ZNF568: variants seen among roughly 807,000 people sequenced by gnomAD.
ZNF568 encodes zinc finger protein 568, also known as p53 inhibitor of SCO2 activation.
In ZNF568, 11 loss-of-function variants were observed where a neutral mutation model predicts 18.1. The observed-to-expected ratio is 0.61, with a 90% CI of 0.38 to 1.00. The LOEUF (loss-of-function observed/expected upper bound fraction) is 1.00, where lower values mean the gene tolerates loss of function less well. ZNF568 is among the 50% of genes least tolerant of loss of function. The pLI is 0.01. For missense variants in ZNF568, 639 were observed against 768.2 expected (o/e 0.83, Z 1.99); for synonymous variants, 213 against 246.6 (o/e 0.86, Z 1.28).
At chr19:36,953,566 T>G (rs934995405), downstream of ZNF568, among the ~76,000 whole-genome samples, 4 of 152,148 alleles carry the variant, frequency 2.6e-5, no homozygotes, top group African/African-American at 9.7e-5. Flanking sequence ...TATTATGCCA[T>G]CTCTACAATA....
chr19:36,996,220 T>A, intron 4 of ZNF568: 1 of 981,450 alleles, frequency 1.0e-6, no homozygotes, highest in Non-Finnish European at 1.5e-6. Flanking sequence ...AAAGAATTGC[T>A]TATTAACTAT....
chr19:36,952,630 G>A lies in ZNF568; in HGVS notation c.*1542G>A, dbSNP rs2074076158. 1 of 212,060 alleles carries A rather than the reference G, an allele frequency of 4.7e-6. No individual in the cohort carries two copies. The highest frequency in any genetic ancestry group is 8.1e-6 in the Non-Finnish European group (1 of 122,984). The allele number at this position is 212,060 out of a possible 1,614,324, so 13.1% of individuals were successfully genotyped here. ...AGCATTGTCTCTGGAGATTGAATTT[G>A]AGGCTGTTGATTAAAAGGAGACTTT... On this transcript the variant is annotated 3_prime_UTR_variant, in exon 7 of 7. Coordinates refer to ENST00000333987, the MANE Select transcript of ZNF568 (RefSeq NM_198539.4).
At chr19:36,944,661 C>T (rs1393562464) in intron 6 of ZNF568, among the ~76,000 whole-genome samples, 3 of 152,062 alleles carry the variant, frequency 2.0e-5, no homozygotes, top group Non-Finnish European at 4.4e-5. Context: ...ATAACAGTAG[C>T]GCCATCCCTC....
intron 2 of ZNF568, among the ~76,000 whole-genome samples, chr19:36,919,580 T>G (rs2073415469): frequency 6.6e-6 from 1 of 152,144 alleles, no homozygotes; most frequent in African/African-American, 2.4e-5. Context: ...AAGGCTGTAA[T>G]GCCACCACTA....
At chr19:36,934,802 C>T (rs1235898815) in intron 4 of ZNF568, among the ~76,000 whole-genome samples, 1 of 151,950 alleles carries the variant, frequency 6.6e-6, no homozygotes, top group East Asian at 1.9e-4. Flanking sequence ...TTTTGTTGAT[C>T]CATTGGTTAT....
intron 2 of ZNF568, among the ~76,000 whole-genome samples, chr19:36,988,327 C>T (rs1302509280): frequency 6.6e-6 from 1 of 152,050 alleles, no homozygotes; most frequent in Non-Finnish European, 1.5e-5. Flanking sequence ...TAAAGAAATA[C>T]CTGAGACTGG....
chr19:36,933,920 T>TAGTAA (rs2073740032), intron 4 of ZNF568, among the ~76,000 whole-genome samples: 1 of 36,876 alleles, frequency 2.7e-5, no homozygotes, highest in East Asian at 3.3e-4. Flanking sequence ...TGTTTTGTTT[T>TAGTAA]TTTGTTTTTT....
chr19:36,984,263 G>A (rs1318777728), downstream of ZNF568, among the ~76,000 whole-genome samples: 2 of 152,066 alleles, frequency 1.3e-5, no homozygotes, highest in Non-Finnish European at 2.9e-5. Flanking sequence ...TAATATAATT[G>A]AAGGTATCAT....
At chr19:36,928,097 G>A (rs528471281) in intron 4 of ZNF568, among the ~76,000 whole-genome samples, 1 of 150,020 alleles carries the variant, frequency 6.7e-6, no homozygotes, top group Admixed American at 6.7e-5. Flanking sequence ...TGCATTTTTA[G>A]TAGAGATAGG....
At chr19:36,937,336 A>C in intron 6 of ZNF568, 94 bp downstream of exon 6, 1 of 1,012,240 alleles carries the variant, frequency 9.9e-7, no homozygotes. Context: ...AGATTTTCTT[A>C]AAGGCCTTAT....
rs534969200 is a variant in ZNF568, at chr19:36,935,423, G to A, written c.136-1323G>A. On this transcript the variant is annotated intron_variant, in intron 4 of 6. Transcript: ENST00000333987. ...AAAAATACAAAAATTAGCCGGGTGC[G>A]GTGGCAGGCGCCTGTAATCCCAGCT... Among the ~76,000 whole-genome samples the A allele has an allele frequency of 4.6e-5, 7 of 152,052 alleles. No individual in the cohort carries two copies. The East Asian group carries it at 1.2e-3, about 25-fold the overall frequency.
At chr19:36,918,447 CATT>C (rs546446321) in intron 2 of ZNF568, among the ~76,000 whole-genome samples, 163 of 152,010 alleles carry the variant, frequency 1.1e-3, no homozygotes, top group African/African-American at 3.8e-3. Flanking sequence ...CTGTGTAAAT[CATT>C]GTTACACGTT....
downstream of ZNF568, among the ~76,000 whole-genome samples, chr19:36,981,796 C>A (rs1336213090): frequency 6.6e-6 from 1 of 151,970 alleles, no homozygotes; most frequent in Non-Finnish European, 1.5e-5. Context: ...ATCACTCAAG[C>A]CCAGGAGGAT....
At chr19:36,968,471 G>C (rs2074210944) in intron 6 of ZNF568, among the ~76,000 whole-genome samples, 1 of 150,672 alleles carries the variant, frequency 6.6e-6, no homozygotes, top group Non-Finnish European at 1.5e-5. Flanking sequence ...TTGGACCCAG[G>C]AGGCAGAGGT....
chr19:36,965,128 C>T (rs963007856), intron 6 of ZNF568, among the ~76,000 whole-genome samples: 2 of 152,094 alleles, frequency 1.3e-5, no homozygotes, highest in Admixed American at 6.6e-5. Flanking sequence ...ATATTTGTCG[C>T]CTCCAAAATT....
chr19:36,978,730 G>T (rs16971876), intron 7 of ZNF568, among the ~76,000 whole-genome samples: 1 of 152,064 alleles, frequency 6.6e-6, no homozygotes, highest in Non-Finnish European at 1.5e-5. Flanking sequence ...TTTCAGCCTC[G>T]TCTCTCTGCT....
downstream of ZNF568, among the ~76,000 whole-genome samples, chr19:36,957,170 T>C (rs898280249): frequency 7.0e-6 from 1 of 142,414 alleles, no homozygotes; most frequent in Non-Finnish European, 1.5e-5. Flanking sequence ...GAAGGAAAAA[T>C]ATGAAAATAG....
intron 6 of ZNF568, among the ~76,000 whole-genome samples, chr19:36,949,050 AC>A (rs1170167738): frequency 1.3e-5 from 2 of 151,984 alleles, no homozygotes; most frequent in Non-Finnish European, 2.9e-5. Context: ...TTTTACACTC[AC>A]GTCTCCTTTT....
chr19:36,993,688 A>G (rs1267289623), intron 4 of ZNF568, among the ~76,000 whole-genome samples: 1 of 152,112 alleles, frequency 6.6e-6, no homozygotes, highest in African/African-American at 2.4e-5. Context: ...ATTGGCATAT[A>G]GTTATTCGTA....
Sources: gnomAD v4.1 joint callset for allele counts (sites outside exome capture counted in the v4.1 genomes callset) on GRCh38, gnomAD v4.1.1 for gene constraint, MANE v1.5 for transcripts, NCBI Gene and HGNC (gene_info 2026-07-23, HGNC 2026-07-21) for gene names.